NALF1: variants seen among roughly 807,000 people sequenced by gnomAD.
The protein encoded by NALF1 is NALCN channel auxiliary factor 1.
In NALF1, 3 loss-of-function variants were observed where a neutral mutation model predicts 48.4. The observed-to-expected ratio is 0.06, with a 90% CI of 0.03 to 0.16. NALF1 has a LOEUF of 0.16. NALF1 is among the 10% of genes least tolerant of loss of function. The probability of loss-of-function intolerance (pLI) is 1.00; values close to 1 mark genes in which losing one functional copy is unlikely to be tolerated. For missense variants in NALF1, 526 were observed against 571.5 expected (o/e 0.92, Z 0.81); for synonymous variants, 262 against 245.7 (o/e 1.07, Z -0.62).
chr13:107,797,383 G>A (rs1026529238), intron 1 of NALF1, among the ~76,000 whole-genome samples: 8 of 151,446 alleles, frequency 5.3e-5, no homozygotes, highest in South Asian at 4.2e-4. Flanking sequence ...TTTTTTTTTC[G>A]TATTTTTAGT....
chr13:107,449,382 GA>G (rs753771456), intron 1 of NALF1, among the ~76,000 whole-genome samples: 15 of 152,082 alleles, frequency 9.9e-5, no homozygotes, highest in Admixed American at 5.9e-4. Flanking sequence ...AAGGATGACT[GA>G]CCTAGATTAT....
intron 1 of NALF1, among the ~76,000 whole-genome samples, chr13:107,864,261 C>A (rs1346577226): frequency 6.6e-6 from 1 of 152,154 alleles, no homozygotes. Flanking sequence ...TAAATTCAGA[C>A]TTACTATTTT....
At chr13:107,461,978 A>G (rs1884925643) in intron 1 of NALF1, among the ~76,000 whole-genome samples, 1 of 152,172 alleles carries the variant, frequency 6.6e-6, no homozygotes. Flanking sequence ...GCAGTAGGTT[A>G]TTCACATTCT....
intron 1 of NALF1, among the ~76,000 whole-genome samples, chr13:107,557,650 T>A (rs1270119661): frequency 6.6e-6 from 1 of 152,118 alleles, no homozygotes; most frequent in Non-Finnish European, 1.5e-5. Flanking sequence ...AAGCACAGCC[T>A]TTTTGAGATG....
At chr13:107,809,486 T>C (rs1163880896) in intron 1 of NALF1, among the ~76,000 whole-genome samples, 1 of 152,078 alleles carries the variant, frequency 6.6e-6, no homozygotes, top group East Asian at 1.9e-4. Flanking sequence ...TTCAGCAAAA[T>C]TTCAAACTCT....
At chr13:107,726,626 TCCAGA>T (rs1876158378) in intron 1 of NALF1, among the ~76,000 whole-genome samples, 1 of 127,182 alleles carries the variant, frequency 7.9e-6, no homozygotes. Flanking sequence ...TTTTTTTTTT[TCCAGA>T]TGGAGTCTCA....
chr13:107,239,937 T>C (rs948389909), intron 1 of NALF1, among the ~76,000 whole-genome samples: 7 of 152,214 alleles, frequency 4.6e-5, no homozygotes, highest in African/African-American at 1.2e-4. Flanking sequence ...AAGGGCATCA[T>C]GGTGGTCAAA....
chr13:107,184,887 C>T (rs185315242), intron 2 of NALF1, among the ~76,000 whole-genome samples: 3 of 152,226 alleles, frequency 2.0e-5, no homozygotes, highest in South Asian at 2.1e-4. Context: ...GTCTCAACCC[C>T]GAATACCTCA....
intron 1 of NALF1, among the ~76,000 whole-genome samples, chr13:107,314,455 C>T (rs951149421): frequency 1.3e-5 from 2 of 152,024 alleles, no homozygotes; most frequent in Non-Finnish European, 2.9e-5. Context: ...TCTCCTAGTT[C>T]CACCTCATCT....
At chr13:107,617,021 T>C (rs550527229) in intron 1 of NALF1, among the ~76,000 whole-genome samples, 1 of 152,340 alleles carries the variant, frequency 6.6e-6, no homozygotes, top group East Asian at 1.9e-4. Context: ...ATGGTTTATA[T>C]AAAATAGTGT....
intron 1 of NALF1, among the ~76,000 whole-genome samples, chr13:107,733,846 T>A (rs942466334): frequency 6.6e-6 from 1 of 152,130 alleles, no homozygotes; most frequent in Non-Finnish European, 1.5e-5. Flanking sequence ...ACAGAAGAGA[T>A]ACTCATGCAT....
At chr13:107,179,958 A>G (rs1237761688) in intron 2 of NALF1, among the ~76,000 whole-genome samples, 1 of 143,646 alleles carries the variant, frequency 7.0e-6, no homozygotes, top group African/African-American at 2.6e-5. Flanking sequence ...GCAATCTAGT[A>G]TGGCCTCATT....
chr13:107,680,411 T>C (rs1881256878), intron 1 of NALF1, among the ~76,000 whole-genome samples: 1 of 151,214 alleles, frequency 6.6e-6, no homozygotes, highest in African/African-American at 2.4e-5. Flanking sequence ...CGTGTATGAG[T>C]GTGTGTGCGT....
rs1566452081 is a variant in NALF1, at chr13:107,210,615, G to A, written c.1056C>T (p.Ile352=). The A allele has an allele frequency of 7.4e-6, 12 of 1,613,484 alleles. No individual in the cohort carries two copies. Among genetic ancestry groups the A allele is most frequent in the Non-Finnish European group, 1.0e-5 (12 of 1,179,426 alleles). Residue 352 remains isoleucine, a synonymous_variant, in exon 2 of 3, where the codon ATC becomes ATT. Transcript: ENST00000375915. ...AGATGAAACTGGAGAGGCCTCCGTAGATGACTTCATCATTGTCGGGCAATA... is the reference window on the plus strand; with the variant it reads ...AGATGAAACTGGAGAGGCCTCCGTAAATGACTTCATCATTGTCGGGCAATA... ...PFILPDNDEV[I]YGGLSSFICT...
intron 1 of NALF1, among the ~76,000 whole-genome samples, chr13:107,588,786 T>C (rs761793180): frequency 6.6e-6 from 1 of 152,052 alleles, no homozygotes; most frequent in African/African-American, 2.4e-5. Flanking sequence ...CAAAACTGAA[T>C]CAATCATGTT....
At chr13:107,862,300 A>C (rs1880592056) in intron 1 of NALF1, among the ~76,000 whole-genome samples, 1 of 152,192 alleles carries the variant, frequency 6.6e-6, no homozygotes, top group Non-Finnish European at 1.5e-5. Flanking sequence ...ATAAGAGAAA[A>C]TATGTATTTA....
chr13:107,489,144 G>GA (rs140078110), intron 1 of NALF1, among the ~76,000 whole-genome samples: 3,128 of 151,186 alleles, frequency 0.021, 43 homozygotes, highest in South Asian at 0.036. Flanking sequence ...AATCAAATGG[G>GA]AAAAAAAACA....
intron 1 of NALF1, among the ~76,000 whole-genome samples, chr13:107,750,883 C>T (rs1342737049): frequency 6.6e-6 from 1 of 152,168 alleles, no homozygotes; most frequent in Admixed American, 6.5e-5. Flanking sequence ...ACCCTGCCCC[C>T]ACAGCCCCCG....
At chr13:107,762,318 A>G (rs1877286235) in intron 1 of NALF1, among the ~76,000 whole-genome samples, 1 of 152,210 alleles carries the variant, frequency 6.6e-6, no homozygotes, top group African/African-American at 2.4e-5. Context: ...TATTGGGTGT[A>G]AATCTCCCAC....
Sources: allele counts gnomAD v4.1 joint callset (sites outside exome capture counted in the v4.1 genomes callset), GRCh38; gene constraint gnomAD v4.1.1; transcripts MANE v1.5; gene names NCBI Gene and HGNC (gene_info 2026-07-23, HGNC 2026-07-21).